Variants in ARSG observed in about 807,000 individuals in gnomAD.
The protein encoded by ARSG is arylsulfatase G.
A neutral mutation model predicts 50.5 loss-of-function variants in ARSG; 37 were observed. That is an observed-to-expected ratio of 0.73 (90% CI 0.56 to 0.96). The LOEUF is 0.96. Among genes scored for constraint, ARSG ranks in the 50% least tolerant of loss-of-function variants. ARSG has a pLI of 0.00. For synonymous variants in ARSG, 225 were observed against 254.6 expected (o/e 0.88, Z 1.11); for missense variants, 629 against 675.3 (o/e 0.93, Z 0.76).
chr17:68,262,806 A>G (rs566309406), intron 1 of ARSG, among the ~76,000 whole-genome samples: 1 of 152,246 alleles, frequency 6.6e-6, no homozygotes, highest in African/African-American at 2.4e-5. Context: ...AGTGGGTTTG[A>G]GGAGGATGAT....
chr17:68,321,304 G>A lies in ARSG; in HGVS notation c.218+13593G>A, dbSNP rs539042018. Among the ~76,000 whole-genome samples, 27 of 152,294 alleles carry A rather than the reference G, an allele frequency of 1.8e-4. 1 individual carries two copies. In the South Asian group the frequency reaches 4.6e-3, roughly 26 times the overall value. On this transcript the variant is annotated intron_variant, in intron 2 of 11. Transcript: ENST00000621439. ...TGCTTGTAGCTTACAAAGGGCCTGC[G>A]TATCCATGATCTCAATGATCTCACT...
intron 10 of ARSG, among the ~76,000 whole-genome samples, chr17:68,396,302 CCA>C (rs1447570768): frequency 2.0e-5 from 3 of 152,168 alleles, no homozygotes; most frequent in Non-Finnish European, 4.4e-5. Flanking sequence ...CAGGTGTGAG[CCA>C]CTGTATCCGA....
At chr17:68,449,656 G>T in the ARSG span, among the ~76,000 whole-genome samples, 3 of 152,146 alleles carry the variant, frequency 2.0e-5, no homozygotes, top group Non-Finnish European at 2.9e-5. Context: ...CACGTAAGAC[G>T]CCTGCTCCCG....
At chr17:68,389,606 C>G (rs933124980) in intron 9 of ARSG, among the ~76,000 whole-genome samples, 10 of 152,236 alleles carry the variant, frequency 6.6e-5, no homozygotes, top group African/African-American at 2.4e-4. Context: ...CCTACTGTTC[C>G]CTGTCCCTTC....
chr17:68,394,641 T>C (rs1236280644), intron 9 of ARSG, among the ~76,000 whole-genome samples: 1 of 151,870 alleles, frequency 6.6e-6, no homozygotes, highest in African/African-American at 2.4e-5. Flanking sequence ...TCTAAAAAAA[T>C]TAAGAATAAA....
chr17:68,405,192 T>A (rs2081656067), intron 11 of ARSG, among the ~76,000 whole-genome samples: 1 of 149,902 alleles, frequency 6.7e-6, no homozygotes, highest in Non-Finnish European at 1.5e-5. Context: ...AGATTCCATG[T>A]GAATTTTAGG....
At chr17:68,280,666 C>T (rs1179337621) in intron 1 of ARSG, among the ~76,000 whole-genome samples, 1 of 152,110 alleles carries the variant, frequency 6.6e-6, no homozygotes, top group Non-Finnish European at 1.5e-5. Context: ...AAATGTAAGA[C>T]CTAAAACTAT....
chr17:68,311,137 C>G (rs2076837232), intron 2 of ARSG, among the ~76,000 whole-genome samples: 1 of 152,222 alleles, frequency 6.6e-6, no homozygotes, highest in Admixed American at 6.5e-5. Context: ...GCCCGGGCAA[C>G]AGACTGAGAC....
At chr17:68,347,085 T>C in intron 3 of ARSG, 40 bp from the exon 4 acceptor site, 1 of 1,610,250 alleles carries the variant, frequency 6.2e-7, no homozygotes. Flanking sequence ...GGTACCCCTA[T>C]GGGGATTCCT....
chr17:68,352,740 C>T (rs2078857350), intron 5 of ARSG, among the ~76,000 whole-genome samples: 1 of 152,102 alleles, frequency 6.6e-6, no homozygotes, highest in Admixed American at 6.5e-5. Context: ...GAACTCCTGA[C>T]CTCAGGTGAT....
intron 1 of ARSG, among the ~76,000 whole-genome samples, chr17:68,291,980 G>T (rs1190080180): frequency 2.6e-5 from 4 of 152,024 alleles, no homozygotes; most frequent in African/African-American, 9.7e-5. Context: ...TGTGAGCTGC[G>T]CGCGCGGCGC....
chr17:68,375,973 A>G (rs897591630), intron 8 of ARSG, among the ~76,000 whole-genome samples: 3 of 152,204 alleles, frequency 2.0e-5, no homozygotes, highest in African/African-American at 4.8e-5. Context: ...TGAAATTTAC[A>G]TCACATAAAA....
chr17:68,339,275 G>T (rs2078164771), intron 2 of ARSG, among the ~76,000 whole-genome samples: 1 of 152,002 alleles, frequency 6.6e-6, no homozygotes. Context: ...TCCAGCCTGG[G>T]CGACAGAGCG....
At chr17:68,441,792 G>T in the ARSG span, among the ~76,000 whole-genome samples, 1 of 152,316 alleles carries the variant, frequency 6.6e-6, no homozygotes, top group East Asian at 1.9e-4. Context: ...GCAGTAGAAA[G>T]GGAGCTCAGG....
intron 8 of ARSG, among the ~76,000 whole-genome samples, chr17:68,382,520 A>G (rs938275067): frequency 4.6e-5 from 7 of 152,248 alleles, no homozygotes; most frequent in African/African-American, 1.7e-4. Context: ...GTATTACTGA[A>G]GAATATTGGG....
At chr17:68,333,993 C>T (rs999478456) in intron 2 of ARSG, among the ~76,000 whole-genome samples, 23 of 152,142 alleles carry the variant, frequency 1.5e-4, no homozygotes, top group Non-Finnish European at 2.4e-4. Flanking sequence ...AGAAAGCCTG[C>T]AGTGTTTCTT....
At chr17:68,321,347 A>G (rs1422155668) in intron 2 of ARSG, among the ~76,000 whole-genome samples, 3 of 152,210 alleles carry the variant, frequency 2.0e-5, no homozygotes, top group Non-Finnish European at 2.9e-5. Flanking sequence ...CTTCTGAGGA[A>G]TAAGTCAGCT....
intron 2 of ARSG, among the ~76,000 whole-genome samples, chr17:68,319,734 C>T (rs1362268237): frequency 2.6e-5 from 4 of 152,236 alleles, no homozygotes; most frequent in East Asian, 1.9e-4. Flanking sequence ...CTTAAGGGAC[C>T]GATGGCCTGA....
intron 2 of ARSG, among the ~76,000 whole-genome samples, chr17:68,328,733 T>C (rs2077603591): frequency 6.6e-6 from 1 of 152,142 alleles, no homozygotes; most frequent in Non-Finnish European, 1.5e-5. Flanking sequence ...GGATGTCCAG[T>C]GGTGTCTTCA....
Sources: gnomAD v4.1 joint callset for allele counts (sites outside exome capture counted in the v4.1 genomes callset) on GRCh38, gnomAD v4.1.1 for gene constraint, MANE v1.5 for transcripts, NCBI Gene and HGNC (gene_info 2026-07-23, HGNC 2026-07-21) for gene names.